The following ATP4B variants were observed in gnomAD, a reference collection of about 807,000 sequenced individuals.
ATP4B encodes potassium-transporting ATPase subunit beta.
ATP4B carries 27 observed loss-of-function variants against 35.3 expected under a neutral mutation model. The observed-to-expected ratio is 0.76, with a 90% CI of 0.56 to 1.05. The LOEUF is 1.05. Among genes scored for constraint, ATP4B ranks in the 50% least tolerant of loss-of-function variants. ATP4B has a pLI of 0.00. For missense variants in ATP4B, 375 were observed against 384.8 expected (o/e 0.97, Z 0.21); for synonymous variants, 162 against 156.0 (o/e 1.04, Z -0.29).
rs551118711 is a variant in ATP4B, at chr13:113,650,976, T to C, written c.613-469A>G. ...TCATCAACGAACAGCTGAAGGGTGC[T>C]TTGGATCTGTTAGAATCTCAGGAGC... On this transcript the variant is annotated intron_variant, in intron 5 of 6. Transcript: ENST00000335288. This position sits in a 1 kb window ranked among gnomAD's most constrained non-coding sequence, Gnocchi z 5.0. 1.0e-3 allele frequency among the ~76,000 whole-genome samples: 153 copies of C among 152,106 alleles called. 1 individual carries two copies. The highest frequency in any genetic ancestry group is 3.4e-3 in the Middle Eastern group (1 of 294).
chr13:113,654,959 G>A lies in ATP4B; in HGVS notation c.113-17C>T, dbSNP rs375247709. ...TGATCCACACTGCGACACAAGGCAG[G>A]CACAAAATTTACCACGTCAGCCATT... On this transcript the variant is annotated splice_polypyrimidine_tract_variant and intron_variant, in intron 1 of 6. Coordinates refer to ENST00000335288, the MANE Select transcript of ATP4B (RefSeq NM_000705.4). The A allele has an allele frequency of 3.7e-6, 6 of 1,613,130 alleles. No individual in the cohort carries two copies. The African/African-American group carries it at 4.0e-5, about 11-fold the overall frequency.
rs1226388165 is a variant in ATP4B, at chr13:113,656,726, CTA to C, written c.112+1305_112+1306del. On this transcript the variant is annotated intron_variant, in intron 1 of 6. Transcript: ENST00000335288. The stretch of plus-strand genomic sequence containing the variant: ...ACTTGAGTTGTGTTTTCCTGGGGCC[CTA>C]AGACTTTCTTATCCCAAACGGAGGC... 2.0e-5 allele frequency among the ~76,000 whole-genome samples: 3 copies of C among 152,310 alleles called. No individual in the cohort carries two copies. In the South Asian group the frequency reaches 6.2e-4, roughly 32 times the overall value.
intron 5 of ATP4B, among the ~76,000 whole-genome samples, chr13:113,651,247 C>A (rs1318601666): frequency 1.3e-5 from 2 of 152,182 alleles, no homozygotes; most frequent in African/African-American, 2.4e-5. Flanking sequence ...TGAAAAACAA[C>A]CTGGAATTAG....
At chr13:113,656,897 C>A (rs1298674633) in intron 1 of ATP4B, among the ~76,000 whole-genome samples, 1 of 152,124 alleles carries the variant, frequency 6.6e-6, no homozygotes, top group African/African-American at 2.4e-5. Context: ...CCCAGCCCAG[C>A]CCCCGCCCTC....
intron 2 of ATP4B, among the ~76,000 whole-genome samples, chr13:113,653,998 G>A (rs979688711): frequency 1.3e-5 from 2 of 152,236 alleles, no homozygotes; most frequent in Admixed American, 6.5e-5. Flanking sequence ...GGAACAGCCC[G>A]CCATCCACAC....
chr13:113,655,964 A>G (rs1469915003), intron 1 of ATP4B, among the ~76,000 whole-genome samples: 1 of 152,262 alleles, frequency 6.6e-6, no homozygotes, highest in Non-Finnish European at 1.5e-5. Context: ...TCTCTGAGCC[A>G]GGTCCCTTCA....
At chr13:113,653,233 C>A in intron 3 of ATP4B, 88 bp downstream of exon 3, 1 of 1,352,856 alleles carries the variant, frequency 7.4e-7, no homozygotes, top group Non-Finnish European at 1.0e-6. Context: ...CACACCTCAC[C>A]CACCCGCCGC....
chr13:113,654,904 TCACCACGTAGAA>T lies in ATP4B; in HGVS notation c.139_150del (p.Phe47_Val50del). 1.2e-6 allele frequency: 2 copies of T among 1,614,206 alleles called. No homozygotes were observed. Among genetic ancestry groups the T allele is most frequent in the Non-Finnish European group, 1.7e-6 (2 of 1,180,026 alleles). On this transcript the variant is annotated inframe_deletion, in exon 2 of 7. Coordinates refer to ENST00000335288, the MANE Select transcript of ATP4B (RefSeq NM_000705.4). ...AGGCACAGGGCGAAGAGCCCAGTCA[TCACCACGTAGAA>T]GGCCACGTAGTACAGGCTGATCCAC...
At chr13:113,653,149 G>A (rs1243765610) in intron 3 of ATP4B, 77 bp from the exon 4 acceptor site, 9 of 1,515,426 alleles carry the variant, frequency 5.9e-6, no homozygotes, top group Non-Finnish European at 8.1e-6. Context: ...GGCCTTGCAA[G>A]CCCTGAGTGC....
chr13:113,655,483 G>A (rs1434219063), intron 1 of ATP4B, among the ~76,000 whole-genome samples: 1 of 152,204 alleles, frequency 6.6e-6, no homozygotes, highest in East Asian at 1.9e-4. Flanking sequence ...GTGTCCATAG[G>A]CACCGGCAAC....
chr13:113,658,012 C>T (rs1393909120), intron 1 of ATP4B, 21 bp downstream of exon 1: 8 of 1,570,922 alleles, frequency 5.1e-6, no homozygotes, highest in Middle Eastern at 1.8e-4. Context: ...TGCACCCAGC[C>T]GGCCCGCCCC....
intron 1 of ATP4B, among the ~76,000 whole-genome samples, chr13:113,657,094 A>T (rs539883950): frequency 6.6e-6 from 1 of 152,240 alleles, no homozygotes; most frequent in South Asian, 2.1e-4. Context: ...CTTCACCAGC[A>T]CTGTGGTGAG....
At chr13:113,655,425 GAA>G (rs2049746339) in intron 1 of ATP4B, among the ~76,000 whole-genome samples, 1 of 152,230 alleles carries the variant, frequency 6.6e-6, no homozygotes, top group South Asian at 2.1e-4. Flanking sequence ...ATCAGGAAGA[GAA>G]AGGGAGGAAG....
In ATP4B at chr13:113,654,951, C is replaced by A; in HGVS notation, c.113-9G>T. On this transcript the variant is annotated splice_polypyrimidine_tract_variant and intron_variant, in intron 1 of 6. Transcript: ENST00000335288. The stretch of plus-strand genomic sequence containing the variant: ...GTACAGGCTGATCCACACTGCGACA[C>A]AAGGCAGGCACAAAATTTACCACGT... 1 of 1,613,650 alleles carries A rather than the reference C, an allele frequency of 6.2e-7. No individual in the cohort carries two copies. The highest frequency in any genetic ancestry group is 8.5e-7 in the Non-Finnish European group (1 of 1,179,772).
At chr13:113,656,053 G>C (rs1227141152) in intron 1 of ATP4B, among the ~76,000 whole-genome samples, 2 of 152,266 alleles carry the variant, frequency 1.3e-5, no homozygotes. Context: ...GGGCGTCCCT[G>C]GTGACGGCGT....
intron 1 of ATP4B, among the ~76,000 whole-genome samples, chr13:113,655,792 G>T (rs924038322): frequency 1.3e-5 from 2 of 152,238 alleles, no homozygotes; most frequent in Non-Finnish European, 2.9e-5. Flanking sequence ...CATGGATTCT[G>T]CTTAGTGAGC....
chr13:113,650,925 A>G lies in ATP4B; in HGVS notation c.613-418T>C, dbSNP rs1037039001. ...TGGGGCCCTCTCGTTTCAGAAGCAG[A>G]GGCTTGCCCAGTGGGTAGCTCAGGG... On this transcript the variant is annotated intron_variant, in intron 5 of 6. Coordinates refer to ENST00000335288, the MANE Select transcript of ATP4B (RefSeq NM_000705.4). The surrounding 1 kb of genome is among the most constrained non-coding windows in gnomAD (Gnocchi z 5.0). Among the ~76,000 whole-genome samples, 3 of 152,140 alleles carry G rather than the reference A, an allele frequency of 2.0e-5. No homozygotes were observed. Among genetic ancestry groups the G allele is most frequent in the Non-Finnish European group, 4.4e-5 (3 of 68,032 alleles).
rs371832673 is a variant in ATP4B, at chr13:113,658,168, G to A, written c.-24C>T. ...ATCGTCCCTGGCCTGAGATCCTCCC[G>A]TCTGCTCCCTGCACCCTCTACGCCC... On this transcript the variant is annotated 5_prime_UTR_variant, in exon 1 of 7. It adds an upstream start codon to the 5' untranslated region. Coordinates refer to ENST00000335288, the MANE Select transcript of ATP4B (RefSeq NM_000705.4). The A allele has an allele frequency of 2.4e-5, 39 of 1,598,148 alleles. No individual in the cohort carries two copies. Among genetic ancestry groups the A allele is most frequent in the African/African-American group, 2.1e-4 (16 of 74,656 alleles).
Position 113,658,116 on chromosome 13 carries a change from C to T in ATP4B, c.29G>A (p.Cys10Tyr). The change falls in exon 1 of 7, where the codon TGT becomes TAT. Residue 10 changes from cysteine to tyrosine, a missense_variant. By Grantham distance (194) the Cys-to-Tyr change is radical (BLOSUM62 -2). Transcript: ENST00000335288. MAALQEKKT[C>Y]GQRMEEFQRY... ...CTGGAACTCCTCCATGCGCTGGCCACACGTCTTCTTCTCCTGCAGAGCCGC... is the reference window on the plus strand; with the variant it reads ...CTGGAACTCCTCCATGCGCTGGCCATACGTCTTCTTCTCCTGCAGAGCCGC... 2 of 1,613,076 alleles carry T rather than the reference C, an allele frequency of 1.2e-6. No individual in the cohort carries two copies. Among genetic ancestry groups the T allele is most frequent in the South Asian group, 1.1e-5 (1 of 90,930 alleles).
Sources: gnomAD v4.1 joint callset for allele counts (sites outside exome capture counted in the v4.1 genomes callset) on GRCh38, gnomAD v4.1.1 for gene constraint, Gnocchi (gnomAD v3.1) non-coding constraint, MANE v1.5 for transcripts, NCBI Gene and HGNC (gene_info 2026-07-23, HGNC 2026-07-21) for gene names.